Variants in DOCK3 observed in about 807,000 individuals in gnomAD.
The protein encoded by DOCK3 is dedicator of cytokinesis protein 3.
In DOCK3, 60 loss-of-function variants were observed where a neutral mutation model predicts 265.6. The ratio of observed to expected loss-of-function variants is 0.23; its 90% CI spans 0.18 to 0.28. DOCK3 has a LOEUF of 0.28. DOCK3 is among the 10% of genes least tolerant of loss of function. The probability of loss-of-function intolerance (pLI) is 1.00; values close to 1 mark genes in which losing one functional copy is unlikely to be tolerated. For synonymous variants in DOCK3, 881 were observed against 938.0 expected (o/e 0.94, Z 1.11); for missense variants, 1,981 against 2,594.3 (o/e 0.76, Z 5.14).
chr3:51,130,145 T>G (rs1372088721), intron 9 of DOCK3, among the ~76,000 whole-genome samples: 1 of 152,216 alleles, frequency 6.6e-6, no homozygotes, highest in Non-Finnish European at 1.5e-5. Context: ...TCAGATTTAT[T>G]TCCCATCCTC....
chr3:50,770,285 G>T (rs2041193328), intron 1 of DOCK3, among the ~76,000 whole-genome samples: 1 of 152,052 alleles, frequency 6.6e-6, no homozygotes, highest in Non-Finnish European at 1.5e-5. Flanking sequence ...ACAAAAGTCA[G>T]TAGCATTTCT....
intron 3 of DOCK3, among the ~76,000 whole-genome samples, chr3:50,874,026 T>A (rs2047567519): frequency 6.6e-6 from 1 of 151,646 alleles, no homozygotes; most frequent in Non-Finnish European, 1.5e-5. Context: ...GCCTGAGTTT[T>A]GGTTTTCATG....
chr3:50,795,543 A>G (rs2042724928), intron 2 of DOCK3, among the ~76,000 whole-genome samples: 1 of 151,988 alleles, frequency 6.6e-6, no homozygotes, highest in Non-Finnish European at 1.5e-5. Flanking sequence ...CACCACACCC[A>G]GCTAATTTTT....
chr3:51,277,725 C>T lies in DOCK3; in HGVS notation c.2794C>T (p.Arg932Trp), dbSNP rs1228911523. Residue 932 changes from arginine (R) to tryptophan (W), a missense_variant, in exon 26 of 53, where the codon CGG (arginine) becomes TGG (tryptophan). By Grantham distance (101) the Arg-to-Trp change is moderately radical (BLOSUM62 -3). Around this residue, in one of 4 missense-constraint regions of DOCK3, gnomAD observed 1,357 missense variants for 1,866.8 expected, o/e 0.73. Transcript: ENST00000266037. ...SHAQEAVRGQ[R>W]CPQCTAEITG... is the part of the protein sequence containing the mutation. ...CGCTCAGGAGGCGGTAAGAGGGCAG[C>T]GGTGCCCGCAGTGCACAGCCGAGAT... is the stretch of plus-strand genomic sequence containing the variant. 4.3e-6 allele frequency: 7 copies of T among 1,611,632 alleles called. No homozygotes were observed. The highest frequency in any genetic ancestry group is 2.2e-5 in the South Asian group (2 of 90,698).
At chr3:50,974,900 C>A (rs2077380711) in intron 5 of DOCK3, among the ~76,000 whole-genome samples, 1 of 121,768 alleles carries the variant, frequency 8.2e-6, no homozygotes, top group Non-Finnish European at 1.7e-5. Flanking sequence ...CTCTTTGAAG[C>A]AATTGTGAAT....
At chr3:51,043,626 T>C (rs2080633559) in intron 5 of DOCK3, among the ~76,000 whole-genome samples, 1 of 150,644 alleles carries the variant, frequency 6.6e-6, no homozygotes, top group Admixed American at 6.7e-5. Context: ...CAAAAGAAAC[T>C]GAATGGGGTA....
intron 5 of DOCK3, among the ~76,000 whole-genome samples, chr3:51,044,465 A>G (rs550783865): frequency 2.6e-5 from 4 of 152,224 alleles, no homozygotes; most frequent in East Asian, 1.9e-4. Context: ...GGATCAGGAA[A>G]AACGACTAAT....
chr3:50,779,387 A>G (rs1454582819), intron 2 of DOCK3, among the ~76,000 whole-genome samples: 2 of 151,394 alleles, frequency 1.3e-5, no homozygotes, highest in Admixed American at 6.6e-5. Context: ...ATTTTTGTTT[A>G]TTTATTTTTT....
intron 5 of DOCK3, among the ~76,000 whole-genome samples, chr3:50,979,649 C>G (rs1172279566): frequency 6.6e-6 from 1 of 152,110 alleles, no homozygotes; most frequent in East Asian, 1.9e-4. Flanking sequence ...TGCAGAACCA[C>G]AAAACAAATA....
At chr3:51,293,749 C>G (rs1213889448) in intron 27 of DOCK3, among the ~76,000 whole-genome samples, 4 of 152,168 alleles carry the variant, frequency 2.6e-5, no homozygotes, top group Non-Finnish European at 5.9e-5. Flanking sequence ...CAAGGAACCT[C>G]AAGCTACTCA....
At chr3:50,937,919 A>G (rs2051477851) in intron 5 of DOCK3, among the ~76,000 whole-genome samples, 1 of 152,148 alleles carries the variant, frequency 6.6e-6, no homozygotes, top group Admixed American at 6.5e-5. Context: ...AGTGATTACA[A>G]GATAGAGTTT....
chr3:51,353,779 T>G (rs1266121857), intron 40 of DOCK3, among the ~76,000 whole-genome samples: 1 of 152,132 alleles, frequency 6.6e-6, no homozygotes, highest in African/African-American at 2.4e-5. Context: ...GCTGGCCCTG[T>G]GACGCCTCTC....
chr3:51,252,479 T>A (rs2079307352), intron 22 of DOCK3, among the ~76,000 whole-genome samples: 1 of 152,254 alleles, frequency 6.6e-6, no homozygotes, highest in East Asian at 1.9e-4. Flanking sequence ...CAGTATTGAT[T>A]CTTCCTATCC....
At chr3:50,883,726 A>T (rs768515633) in intron 3 of DOCK3, among the ~76,000 whole-genome samples, 1 of 152,110 alleles carries the variant, frequency 6.6e-6, no homozygotes, top group East Asian at 1.9e-4. Context: ...TAAATATTTT[A>T]TACTTATTTT....
At chr3:50,919,555 T>C (rs1236178863) in intron 4 of DOCK3, among the ~76,000 whole-genome samples, 1 of 152,204 alleles carries the variant, frequency 6.6e-6, no homozygotes, top group African/African-American at 2.4e-5. Context: ...GCTCTCTGTC[T>C]GTTACTGGTG....
At chr3:51,138,297 C>T (rs1392206310) in intron 9 of DOCK3, among the ~76,000 whole-genome samples, 1 of 151,898 alleles carries the variant, frequency 6.6e-6, no homozygotes, top group African/African-American at 2.4e-5. Flanking sequence ...TTTATCATAC[C>T]CATTGTAGAA....
chr3:50,762,323 C>G (rs1404813748), intron 1 of DOCK3, among the ~76,000 whole-genome samples: 1 of 151,412 alleles, frequency 6.6e-6, no homozygotes, highest in Non-Finnish European at 1.5e-5. Context: ...GAAGCCCCAG[C>G]TAGAGGCTCA....
At chr3:51,123,601 CA>C (rs1424732714) in intron 9 of DOCK3, among the ~76,000 whole-genome samples, 1 of 152,160 alleles carries the variant, frequency 6.6e-6, no homozygotes, top group African/African-American at 2.4e-5. Context: ...CTGTCTCACA[CA>C]TGAGGGGTCA....
intron 49 of DOCK3, among the ~76,000 whole-genome samples, chr3:51,363,804 A>G (rs2086920050): frequency 6.6e-6 from 1 of 152,198 alleles, no homozygotes. Flanking sequence ...TATCCCTACA[A>G]AGGACATGAA....
Sources: gnomAD v4.1 joint callset for allele counts (sites outside exome capture counted in the v4.1 genomes callset) on GRCh38, gnomAD v4.1.1 for gene constraint, gnomAD v4.1.1 regional missense constraint, MANE v1.5 for transcripts, NCBI Gene and HGNC (gene_info 2026-07-23, HGNC 2026-07-21) for gene names.